Variants in PRKN observed in about 807,000 individuals in gnomAD.
PRKN encodes the protein E3 ubiquitin-protein ligase parkin.
A neutral mutation model predicts 59.5 loss-of-function variants in PRKN; 56 were observed. The ratio of observed to expected loss-of-function variants is 0.94; its 90% confidence interval spans 0.76 to 1.18. The LOEUF is 1.18. Among genes scored for constraint, PRKN ranks in the 50% most tolerant of loss-of-function variants. PRKN has a pLI of 0.00. For synonymous variants in PRKN, 250 were observed against 222.1 expected, an observed-to-expected ratio of 1.13 and a Z score of -1.12; for missense variants, 657 against 596.4, an observed-to-expected ratio of 1.10 and a Z score of -1.06.
intron 5 of PRKN, among the ~76,000 whole-genome samples, chr6:161,988,693 C>T (rs1781530866): frequency 6.6e-6 from 1 of 151,876 alleles, no homozygotes; most frequent in African/African-American, 2.4e-5. Context: ...AAGCTCAGAG[C>T]CATGAACACG....
At chr6:161,994,002 C>T (rs1303485988) in intron 5 of PRKN, among the ~76,000 whole-genome samples, 3 of 152,138 alleles carry the variant, frequency 2.0e-5, no homozygotes, top group African/African-American at 7.2e-5. Context: ...GACCCAAACA[C>T]CTCCCACTAG....
intron 2 of PRKN, among the ~76,000 whole-genome samples, chr6:162,357,345 T>C (rs934482897): frequency 6.6e-6 from 1 of 151,708 alleles, no homozygotes. Context: ...AAAGGAAAAA[T>C]AAAGAAATAA....
intron 1 of PRKN, among the ~76,000 whole-genome samples, chr6:162,573,637 A>G (rs1266474792): frequency 6.6e-6 from 1 of 152,194 alleles, no homozygotes; most frequent in African/African-American, 2.4e-5. Flanking sequence ...CTACATTTTA[A>G]TAATGAGTCA....
intron 10 of PRKN, among the ~76,000 whole-genome samples, chr6:161,364,465 C>T (rs1341698727): frequency 8.1e-6 from 1 of 123,672 alleles, no homozygotes; most frequent in African/African-American, 3.2e-5. Context: ...CTGCCACCAC[C>T]CGCCCCGCAA....
intron 1 of PRKN, among the ~76,000 whole-genome samples, chr6:162,495,861 G>A (rs746593174): frequency 1.4e-4 from 21 of 152,194 alleles, no homozygotes; most frequent in East Asian, 5.8e-4. Context: ...CAGCCGGTCC[G>A]GGGTCACCAA....
chr6:161,944,378 C>T (rs1043891187), intron 6 of PRKN, among the ~76,000 whole-genome samples: 12 of 152,132 alleles, frequency 7.9e-5, no homozygotes, highest in African/African-American at 2.9e-4. Flanking sequence ...GGCCACATTC[C>T]CTGCAAGGCC....
chr6:161,688,217 G>C (rs1161302693), intron 7 of PRKN, among the ~76,000 whole-genome samples: 3 of 152,194 alleles, frequency 2.0e-5, no homozygotes, highest in African/African-American at 7.2e-5. Context: ...CATCAGTGGG[G>C]ACTTAGTGAA....
chr6:161,866,891 A>C (rs1010803689), intron 6 of PRKN, among the ~76,000 whole-genome samples: 2 of 152,160 alleles, frequency 1.3e-5, no homozygotes, highest in Admixed American at 6.5e-5. Context: ...TTTTCTCTCT[A>C]GAGTTGGCTC....
intron 6 of PRKN, among the ~76,000 whole-genome samples, chr6:161,953,912 C>A (rs2128246619): frequency 6.6e-6 from 1 of 152,250 alleles, no homozygotes; most frequent in East Asian, 1.9e-4. Context: ...AGTACAAAAC[C>A]TGGGCTTGAG....
chr6:161,743,247 A>T, intron 7 of PRKN, among the ~76,000 whole-genome samples: 2 of 57,338 alleles, frequency 3.5e-5, no homozygotes, highest in Non-Finnish European at 3.6e-5. Flanking sequence ...TTTGAGACGG[A>T]GTCTCTCTGT....
intron 1 of PRKN, among the ~76,000 whole-genome samples, chr6:162,513,904 A>C (rs972733402): frequency 2.0e-5 from 3 of 151,740 alleles, no homozygotes; most frequent in African/African-American, 7.3e-5. Context: ...AAATACAAAA[A>C]ATATGGTGAT....
intron 5 of PRKN, among the ~76,000 whole-genome samples, chr6:162,013,716 G>A (rs1782824192): frequency 6.6e-6 from 1 of 151,988 alleles, no homozygotes; most frequent in Admixed American, 6.6e-5. Flanking sequence ...AATATTTGTT[G>A]TTTATCAAAT....
intron 9 of PRKN, among the ~76,000 whole-genome samples, chr6:161,517,557 G>A (rs1351036136): frequency 6.6e-6 from 1 of 151,774 alleles, no homozygotes; most frequent in Admixed American, 6.6e-5. Context: ...TGGCTAACAC[G>A]GTGAAACCCT....
At chr6:162,383,018 A>C (rs1328165946) in intron 2 of PRKN, among the ~76,000 whole-genome samples, 1 of 152,160 alleles carries the variant, frequency 6.6e-6, no homozygotes, top group Non-Finnish European at 1.5e-5. Context: ...TCAGGCTCCA[A>C]TTTAATTCTA....
At chr6:162,328,185 C>T (rs181623940) in intron 2 of PRKN, among the ~76,000 whole-genome samples, 37 of 51,288 alleles carry the variant, frequency 7.2e-4, no homozygotes, top group Admixed American at 3.6e-3. Context: ...ATGGTGATAC[C>T]CCGTCTCTAC....
At chr6:162,677,551 GTTGT>G (rs1779603204) in intron 1 of PRKN, among the ~76,000 whole-genome samples, 3 of 149,860 alleles carry the variant, frequency 2.0e-5, no homozygotes, top group Non-Finnish European at 4.4e-5. Flanking sequence ...TTTTCCAACT[GTTGT>G]TTATTTCTGA....
rs1306038399 is a variant in PRKN at position 161,391,776 on chromosome 6, C to G, written c.1084-4899G>C. 6.6e-6 allele frequency among the ~76,000 whole-genome samples: 1 copy of G among 152,036 alleles called. No homozygotes were observed. The highest frequency in any genetic ancestry group is 1.9e-4 in the East Asian group (1 of 5,156). On this transcript the variant is annotated intron_variant, in intron 9 of 11. Coordinates refer to ENST00000366898, the MANE Select transcript of PRKN (RefSeq NM_004562.3). The surrounding 1 kb of genome is among the most constrained non-coding windows in gnomAD (Gnocchi z 4.9). ...GGAAAGGCCTAAGAGCATAACTGAG[C>G]CTTCCCTGAGGAAGAAGAGATTTCA...
At chr6:161,531,649 G>A (rs183325204) in intron 9 of PRKN, among the ~76,000 whole-genome samples, 225 of 152,198 alleles carry the variant, frequency 1.5e-3, no homozygotes, top group African/African-American at 5.2e-3. Flanking sequence ...AGATATATAC[G>A]CTGCAAACGT....
At chr6:162,599,165 A>G (rs1387852218) in intron 1 of PRKN, among the ~76,000 whole-genome samples, 1 of 152,210 alleles carries the variant, frequency 6.6e-6, no homozygotes, top group Non-Finnish European at 1.5e-5. Context: ...GCTCGGTGAT[A>G]AGAAGCATTT....
Sources: allele counts gnomAD v4.1 joint callset (sites outside exome capture counted in the v4.1 genomes callset), GRCh38; gene constraint gnomAD v4.1.1; non-coding constraint Gnocchi (gnomAD v3.1); transcripts MANE v1.5; gene names NCBI Gene and HGNC (gene_info 2026-07-23, HGNC 2026-07-21).